Variants in SGIP1 observed in about 807,000 individuals in gnomAD.
SGIP1 encodes SH3GL interacting endocytic adaptor 1.
Under a neutral mutation model 107.5 loss-of-function variants are expected in SGIP1, and 38 were observed. The observed-to-expected ratio is 0.35, with a 90% CI of 0.27 to 0.46. SGIP1 has a LOEUF of 0.46. Ranked by LOEUF, SGIP1 falls within the 20% of genes least tolerant of loss-of-function variation. The pLI is 1.00. For synonymous variants in SGIP1, 365 were observed against 366.1 expected (o/e 1.00, Z 0.03); for missense variants, 929 against 1,019.5 (o/e 0.91, Z 1.21).
chr1:66,637,562 C>T (rs754371699), intron 4 of SGIP1, among the ~76,000 whole-genome samples: 1 of 151,124 alleles, frequency 6.6e-6, no homozygotes, highest in Non-Finnish European at 1.5e-5. Context: ...TAAAGTGTCC[C>T]TATTTTTGAA....
intron 1 of SGIP1, among the ~76,000 whole-genome samples, chr1:66,619,195 G>T (rs979050450): frequency 2.0e-5 from 3 of 152,182 alleles, no homozygotes; most frequent in African/African-American, 7.2e-5. Context: ...TAAAAGCACA[G>T]TGAGGGATGA....
intron 1 of SGIP1, among the ~76,000 whole-genome samples, chr1:66,599,764 C>A (rs1409823659): frequency 6.6e-6 from 1 of 152,158 alleles, no homozygotes; most frequent in Non-Finnish European, 1.5e-5. Flanking sequence ...ACTTTAGGCT[C>A]CTGTAACCGA....
chr1:66,619,585 G>C (rs1262297202), intron 1 of SGIP1, among the ~76,000 whole-genome samples: 1 of 152,202 alleles, frequency 6.6e-6, no homozygotes, highest in East Asian at 1.9e-4. Context: ...ATAGGAAGGT[G>C]ACCATTCTAC....
intron 5 of SGIP1, among the ~76,000 whole-genome samples, chr1:66,641,872 T>C (rs1368555152): frequency 6.6e-6 from 1 of 152,144 alleles, no homozygotes; most frequent in African/African-American, 2.4e-5. Flanking sequence ...TAACCTTCCC[T>C]CTGCTTTTTC....
chr1:66,588,685 C>T (rs973732102), intron 1 of SGIP1, among the ~76,000 whole-genome samples: 1 of 136,654 alleles, frequency 7.3e-6, no homozygotes, highest in African/African-American at 2.8e-5. Flanking sequence ...TCACTCCAGA[C>T]CTGTGATCTA....
intron 7 of SGIP1, among the ~76,000 whole-genome samples, chr1:66,651,569 A>G (rs2078754159): frequency 6.6e-6 from 1 of 152,196 alleles, no homozygotes; most frequent in Non-Finnish European, 1.5e-5. Flanking sequence ...AACTCTTTGA[A>G]GGATATCGAT....
chr1:66,586,001 G>A (rs898953222), intron 1 of SGIP1, among the ~76,000 whole-genome samples: 2 of 152,124 alleles, frequency 1.3e-5, no homozygotes, highest in South Asian at 2.1e-4. Flanking sequence ...TCTTCTTTCC[G>A]TTCTATCAAT....
At chr1:66,559,198 T>A (rs2058596812) in intron 1 of SGIP1, among the ~76,000 whole-genome samples, 1 of 151,996 alleles carries the variant, frequency 6.6e-6, no homozygotes. Flanking sequence ...ATGCAGAAGG[T>A]CAGGGGTGGG....
intron 15 of SGIP1, 102 bp from the exon 16 acceptor site, chr1:66,689,046 G>T (rs2089194557): frequency 2.0e-6 from 2 of 985,128 alleles, no homozygotes; most frequent in East Asian, 6.1e-5. Flanking sequence ...AACTGCCAAG[G>T]CAAAAAAAAA....
At chr1:66,541,250 T>C (rs1246017632) in intron 1 of SGIP1, among the ~76,000 whole-genome samples, 1 of 152,252 alleles carries the variant, frequency 6.6e-6, no homozygotes, top group Non-Finnish European at 1.5e-5. Context: ...ATAAGCTCAG[T>C]AGTGAACAAA....
chr1:66,634,058 C>A, intron 3 of SGIP1: 5 of 1,580,672 alleles, frequency 3.2e-6, no homozygotes, highest in Non-Finnish European at 4.3e-6. Flanking sequence ...TTGGGTAACA[C>A]TATAATCAAG....
intron 18 of SGIP1, among the ~76,000 whole-genome samples, chr1:66,711,764 G>A (rs1417412325): frequency 6.6e-6 from 1 of 152,148 alleles, no homozygotes; most frequent in Non-Finnish European, 1.5e-5. Context: ...AAACAAATCA[G>A]ACCACTCTCT....
At chr1:66,632,771 C>G (rs2075043315) in intron 2 of SGIP1, among the ~76,000 whole-genome samples, 1 of 152,168 alleles carries the variant, frequency 6.6e-6, no homozygotes, top group African/African-American at 2.4e-5. Context: ...ATGGAGCCAG[C>G]TAGAGTGGAG....
intron 22 of SGIP1, 123 bp from the exon 23 acceptor site, chr1:66,740,534 TA>T: frequency 1.5e-6 from 1 of 671,984 alleles, no homozygotes; most frequent in South Asian, 1.7e-5. Context: ...AGGGAATTTT[TA>T]AATTGTAGTG....
chr1:66,578,330 G>A (rs1438395997), intron 1 of SGIP1, among the ~76,000 whole-genome samples: 1 of 152,146 alleles, frequency 6.6e-6, no homozygotes, highest in Admixed American at 6.5e-5. Context: ...TGTAGGAACT[G>A]GGGTGAAAAG....
At chr1:66,584,654 A>G (rs111637130) in intron 1 of SGIP1, among the ~76,000 whole-genome samples, 3,985 of 152,284 alleles carry the variant, frequency 0.026, 86 homozygotes, top group Non-Finnish European at 0.037. Flanking sequence ...ATATTGGTAT[A>G]CATCTAGGGA....
intron 2 of SGIP1, among the ~76,000 whole-genome samples, chr1:66,627,273 A>G (rs1346703672): frequency 6.6e-6 from 1 of 152,136 alleles, no homozygotes; most frequent in African/African-American, 2.4e-5. Flanking sequence ...AGGAGACTTG[A>G]GTTTGGCCTT....
chr1:66,676,926 T>C, intron 12 of SGIP1, 78 bp from the exon 13 acceptor site: 1 of 1,210,910 alleles, frequency 8.3e-7, no homozygotes, highest in Non-Finnish European at 1.2e-6. Context: ...AAAGCTCAAC[T>C]TGAAATCGAA....
At chr1:66,632,441 C>T (rs754873566) in intron 2 of SGIP1, among the ~76,000 whole-genome samples, 34 of 152,046 alleles carry the variant, frequency 2.2e-4, no homozygotes, top group Non-Finnish European at 4.6e-4. Context: ...ACCACAGAAG[C>T]TTTTTCATCT....
Sources: allele counts gnomAD v4.1 joint callset (sites outside exome capture counted in the v4.1 genomes callset), GRCh38; gene constraint gnomAD v4.1.1; transcripts MANE v1.5; gene names NCBI Gene and HGNC (gene_info 2026-07-23, HGNC 2026-07-21).